SBF2: variants seen among roughly 807,000 people sequenced by gnomAD.
SBF2 encodes SET binding factor 2.
Under a neutral mutation model 225.2 loss-of-function variants are expected in SBF2, and 112 were observed. The ratio of observed to expected loss-of-function variants is 0.50; its 90% CI spans 0.43 to 0.58. SBF2 has a LOEUF of 0.58. SBF2 is among the 20% of genes least tolerant of loss of function. The pLI is 0.00. For synonymous variants in SBF2, 763 were observed against 773.3 expected (o/e 0.99, Z 0.22); for missense variants, 1,996 against 2,206.2 (o/e 0.90, Z 1.91).
At position 10,303,561 on chromosome 11, in the gene SBF2, G is replaced by A. The variant is rs1964618043; in HGVS notation, n.386+931C>T. On this transcript the variant is annotated intron_variant and non_coding_transcript_variant, in intron 1 of 5. Coordinates refer to the SBF2 transcript ENST00000685217. The surrounding 1 kb of genome is among the most constrained non-coding windows in gnomAD (Gnocchi z 5.2). ...AGCTCAGAGCCATATGGCAGAGTAG[G>A]AAGGAAGCTTAAAGGTCTGCTGGGG... The A allele has an allele frequency of 6.6e-6, 1 of 152,330 alleles. No homozygotes were observed. 9.4% of individuals were successfully genotyped at this position (152,330 alleles called of 1,614,324 possible).
intron 2 of SBF2, among the ~76,000 whole-genome samples, chr11:10,125,695 G>A (rs770726410): frequency 7.9e-5 from 12 of 152,160 alleles, no homozygotes; most frequent in Non-Finnish European, 1.8e-4. Flanking sequence ...TATCAACTAA[G>A]CTACAGACTC....
chr11:9,955,916 A>G (rs1308377708), intron 16 of SBF2, among the ~76,000 whole-genome samples: 2 of 152,126 alleles, frequency 1.3e-5, no homozygotes, highest in Non-Finnish European at 2.9e-5. Context: ...TAGATTAAAT[A>G]TCCTTAAATA....
chr11:9,785,989 C>T (rs1852348901), intron 36 of SBF2, among the ~76,000 whole-genome samples: 1 of 152,152 alleles, frequency 6.6e-6, no homozygotes, highest in Non-Finnish European at 1.5e-5. Flanking sequence ...GACTCAGCCT[C>T]CCAAGTAGCT....
chr11:9,850,295 G>A (rs548538495), intron 21 of SBF2, 77 bp from the exon 22 acceptor site: 1 of 1,361,468 alleles, frequency 7.3e-7, no homozygotes, highest in Non-Finnish European at 1.0e-6. Context: ...TTGCTCTGTT[G>A]CCCAGCCTAG....
At chr11:10,173,249 C>T (rs554627328) in intron 2 of SBF2, among the ~76,000 whole-genome samples, 210 of 152,300 alleles carry the variant, frequency 1.4e-3, no homozygotes, top group African/African-American at 4.8e-3. Flanking sequence ...TCTGAGGTAC[C>T]GGGTTCATCT....
chr11:10,101,380 G>T (rs1453689325), intron 2 of SBF2, among the ~76,000 whole-genome samples: 1 of 152,110 alleles, frequency 6.6e-6, no homozygotes, highest in Non-Finnish European at 1.5e-5. Flanking sequence ...GCTTTGGCTG[G>T]GATGGAAAAT....
chr11:10,009,113 C>T (rs1054838336), intron 6 of SBF2, among the ~76,000 whole-genome samples: 7 of 152,114 alleles, frequency 4.6e-5, no homozygotes, highest in African/African-American at 1.7e-4. Context: ...TTTTGAACTG[C>T]GATCTTATGC....
At chr11:9,848,477 T>TA (rs1326586992) in intron 22 of SBF2, among the ~76,000 whole-genome samples, 2 of 152,218 alleles carry the variant, frequency 1.3e-5, no homozygotes, top group South Asian at 4.1e-4. Flanking sequence ...ACACTAAGCA[T>TA]ACTTTAAAAT....
rs1375406331 is a variant in SBF2, at chr11:10,096,422, T to G, written c.142-53441A>C. On this transcript the variant is annotated intron_variant, in intron 2 of 39. Coordinates refer to ENST00000256190, the MANE Select transcript of SBF2 (RefSeq NM_030962.4). Reference sequence around the variant, plus strand: ...TGATTAGCCTTATAAGTCAAAGTTCTGTAAAAAAAAAAAAAAAAAAGTAAT... The same window carrying G: ...TGATTAGCCTTATAAGTCAAAGTTCGGTAAAAAAAAAAAAAAAAAAGTAAT... Among the ~76,000 whole-genome samples, 3 of 72,094 alleles carry G rather than the reference T, an allele frequency of 4.2e-5. No individual in the cohort carries two copies. In the Admixed American group the frequency reaches 4.9e-4, roughly 12 times the overall value. The allele number at this position is 72,094 out of a possible 152,430, so 47.3% of individuals were successfully genotyped here. A position where few individuals can be genotyped will look rare whatever the true frequency, so the allele number is the denominator to read the frequency against.
At position 10,100,529 on chromosome 11, in the gene SBF2, G is replaced by A. The variant is rs139445076; in HGVS notation, c.142-57548C>T. Among the ~76,000 whole-genome samples, 49 of 152,338 alleles carry A rather than the reference G, an allele frequency of 3.2e-4. No homozygotes were observed. In the East Asian group the frequency reaches 4.0e-3, roughly 13 times the overall value. On this transcript the variant is annotated intron_variant, in intron 2 of 39. Coordinates refer to ENST00000256190, the MANE Select transcript of SBF2 (RefSeq NM_030962.4). ...AATAGAGAAACAGTCCTGGGGAGAC[G>A]TCCCATAACTGTAGCCCTACCACAG...
intron 19 of SBF2, among the ~76,000 whole-genome samples, chr11:9,855,962 G>C (rs360166): frequency 0.47 from 71,442 of 152,034 alleles, 18,012 homozygotes; most frequent in Non-Finnish European, 0.57. Flanking sequence ...GAAATAGGGG[G>C]TCAGAGCAGT....
chr11:9,848,802 C>A (rs1260405059), intron 22 of SBF2, among the ~76,000 whole-genome samples: 2 of 152,248 alleles, frequency 1.3e-5, no homozygotes, highest in Non-Finnish European at 2.9e-5. Context: ...CAAAACTATT[C>A]TTACAAATTC....
chr11:10,230,118 A>G (rs1958766370), intron 1 of SBF2, among the ~76,000 whole-genome samples: 1 of 152,130 alleles, frequency 6.6e-6, no homozygotes, highest in Admixed American at 6.5e-5. Flanking sequence ...CTGTTTTATC[A>G]GAGACTAGGA....
intron 26 of SBF2, among the ~76,000 whole-genome samples, chr11:9,837,633 T>C (rs1245849019): frequency 6.6e-6 from 1 of 152,254 alleles, no homozygotes; most frequent in Non-Finnish European, 1.5e-5. Context: ...ATTCATATAG[T>C]GACAACAACT....
intron 3 of SBF2, among the ~76,000 whole-genome samples, chr11:10,041,213 A>T (rs1381337310): frequency 1.3e-5 from 2 of 152,134 alleles, no homozygotes; most frequent in African/African-American, 4.8e-5. Context: ...AAAGAGACAG[A>T]GTGGTTCTTG....
At chr11:10,225,217 A>T (rs1161402413) in intron 1 of SBF2, among the ~76,000 whole-genome samples, 2 of 152,136 alleles carry the variant, frequency 1.3e-5, no homozygotes, top group Non-Finnish European at 1.5e-5. Context: ...AATCACTGGC[A>T]ATCTTCCAAA....
intron 16 of SBF2, among the ~76,000 whole-genome samples, chr11:9,946,696 C>T (rs1022856224): frequency 2.0e-5 from 3 of 152,252 alleles, no homozygotes; most frequent in South Asian, 2.1e-4. Context: ...GTAATCCGCC[C>T]GCCTCGGCCT....
At chr11:9,815,882 C>T (rs1457418753) in intron 29 of SBF2, among the ~76,000 whole-genome samples, 1 of 152,152 alleles carries the variant, frequency 6.6e-6, no homozygotes, top group African/African-American at 2.4e-5. Context: ...TGCAGCAGTC[C>T]AGGCAGTGGG....
chr11:10,035,797 T>C (rs1230577540), intron 3 of SBF2, among the ~76,000 whole-genome samples: 1 of 152,156 alleles, frequency 6.6e-6, no homozygotes, highest in Non-Finnish European at 1.5e-5. Context: ...GAAACAGGAA[T>C]GCTTTTACAC....
Sources: gnomAD v4.1 joint callset for allele counts (sites outside exome capture counted in the v4.1 genomes callset) on GRCh38, gnomAD v4.1.1 for gene constraint, Gnocchi (gnomAD v3.1) non-coding constraint, MANE v1.5 for transcripts, NCBI Gene and HGNC (gene_info 2026-07-23, HGNC 2026-07-21) for gene names.